ARMC9: variants seen among roughly 807,000 people sequenced by gnomAD.
ARMC9 encodes the protein lisH domain-containing protein ARMC9.
In ARMC9, 94 loss-of-function variants were observed where a neutral mutation model predicts 107.0. The ratio of observed to expected loss-of-function variants is 0.88; its 90% CI spans 0.74 to 1.04. The LOEUF (loss-of-function observed/expected upper bound fraction) is 1.04. Among genes scored for constraint, ARMC9 ranks in the 50% least tolerant of loss-of-function variants. The pLI, the probability that ARMC9 is intolerant of heterozygous loss-of-function variation, is 0.00. For synonymous variants in ARMC9, 380 were observed against 396.9 expected, an observed-to-expected ratio of 0.96 and a Z score of 0.51; for missense variants, 942 against 1,030.1, an observed-to-expected ratio of 0.91 and a Z score of 1.17.
In ARMC9 at chr2:231,358,350, A is replaced by AATTGATTGATTGATTGATTGATTG. The variant is rs143556558; in HGVS notation, c.2132-2395_2132-2372dup. Reference sequence around the variant, plus strand: ...CTTCTCCATCCCTCCCCTCCACTTCAATTGATTGATTGATTGATTGATTGA... The same window carrying AATTGATTGATTGATTGATTGATTG: ...CTTCTCCATCCCTCCCCTCCACTTCAATTGATTGATTGATTGATTGATTGATTGATTGATTGATTGATTGATTGA... On this transcript the variant is annotated intron_variant, in intron 22 of 24. Coordinates refer to ENST00000611582, the MANE Select transcript of ARMC9 (RefSeq NM_001352754.2). This position sits in a 1 kb window ranked among gnomAD's most constrained non-coding sequence, Gnocchi z 4.5. Among the ~76,000 whole-genome samples, 2 of 150,964 alleles carry AATTGATTGATTGATTGATTGATTG rather than the reference A, an allele frequency of 1.3e-5. No homozygotes were observed. The highest frequency in any genetic ancestry group is 4.9e-5 in the African/African-American group (2 of 40,670).
intron 9 of ARMC9, among the ~76,000 whole-genome samples, chr2:231,241,464 G>C (rs1020454699): frequency 3.3e-5 from 5 of 152,050 alleles, no homozygotes; most frequent in African/African-American, 1.2e-4. Context: ...TTCACAGGCT[G>C]CGTGGGTGAA....
intron 19 of ARMC9, among the ~76,000 whole-genome samples, chr2:231,319,855 C>T (rs1180171354): frequency 1.3e-5 from 2 of 152,150 alleles, no homozygotes; most frequent in Non-Finnish European, 2.9e-5. Context: ...TTAAACTTTT[C>T]AGAAAGAACA....
rs904596210 is a variant in ARMC9, at chr2:231,198,676, G to C, written c.-64G>C. ...GGTGGCGGCCGGGCTGGGATAGCGC[G>C]AGTGTCCGCGGCCGAGCAGCAGGTA... On this transcript the variant is annotated 5_prime_UTR_variant, in exon 1 of 25. Transcript: ENST00000611582. The C allele has an allele frequency of 6.6e-6, 1 of 152,184 alleles. No homozygotes were observed. Among genetic ancestry groups the C allele is most frequent in the Non-Finnish European group, 1.5e-5 (1 of 68,024 alleles). The allele number at this position is 152,184 out of a possible 1,614,324, so 9.4% of individuals were successfully genotyped here.
intron 2 of ARMC9, among the ~76,000 whole-genome samples, chr2:231,207,288 A>G (rs1037641514): frequency 2.0e-5 from 3 of 152,144 alleles, no homozygotes; most frequent in African/African-American, 7.2e-5. Context: ...GATTGCAGGC[A>G]TGAGCCACTG....
chr2:231,311,845 C>G (rs532942067), intron 19 of ARMC9, among the ~76,000 whole-genome samples: 1 of 151,846 alleles, frequency 6.6e-6, no homozygotes, highest in South Asian at 2.1e-4. Context: ...ATCCCTTCAT[C>G]CCTTCAGAGG....
intron 12 of ARMC9, among the ~76,000 whole-genome samples, chr2:231,269,627 C>T (rs2039145360): frequency 6.6e-6 from 1 of 151,950 alleles, no homozygotes; most frequent in South Asian, 2.1e-4. Context: ...TCTCTGCCCA[C>T]CTTGGCCTCC....
intron 17 of ARMC9, 109 bp downstream of exon 17, chr2:231,282,242 C>A: frequency 9.2e-7 from 1 of 1,090,484 alleles, no homozygotes; most frequent in Non-Finnish European, 1.4e-6. Context: ...CAGATCCGTT[C>A]CAAACTCCTT....
At chr2:231,282,846 G>A (rs969437309) in intron 17 of ARMC9, among the ~76,000 whole-genome samples, 5 of 152,284 alleles carry the variant, frequency 3.3e-5, no homozygotes, top group Non-Finnish European at 5.9e-5. Context: ...ACTAAACAGT[G>A]GACCTTAATT....
At chr2:231,333,451 C>T (rs1020379504) in intron 20 of ARMC9, among the ~76,000 whole-genome samples, 31 of 152,136 alleles carry the variant, frequency 2.0e-4, no homozygotes, top group Non-Finnish European at 5.9e-5. Context: ...ACCTGCCATT[C>T]CTTAGAACAT....
chr2:231,368,321 A>G (rs901013459), intron 23 of ARMC9, among the ~76,000 whole-genome samples: 2 of 152,180 alleles, frequency 1.3e-5, no homozygotes, highest in African/African-American at 4.8e-5. Flanking sequence ...CCATCAGGAA[A>G]TGCATCCTGA....
At chr2:231,361,038 G>A (rs558252071) in intron 23 of ARMC9, among the ~76,000 whole-genome samples, 155 bp downstream of exon 23, 5 of 152,340 alleles carry the variant, frequency 3.3e-5, no homozygotes, top group South Asian at 4.1e-4. Context: ...GATTCCCAGC[G>A]GAGTGCAGCC....
chr2:231,211,692 G>A (rs557606780), intron 3 of ARMC9, among the ~76,000 whole-genome samples: 2 of 152,212 alleles, frequency 1.3e-5, no homozygotes, highest in African/African-American at 2.4e-5. Flanking sequence ...TTACAAAGTG[G>A]TTATACTATT....
chr2:231,262,827 A>G (rs1054429376), intron 12 of ARMC9, among the ~76,000 whole-genome samples: 62 of 152,204 alleles, frequency 4.1e-4, no homozygotes, highest in African/African-American at 1.4e-3. Context: ...TGGGAAAAGT[A>G]TGAGACTTGG....
intron 1 of ARMC9, among the ~76,000 whole-genome samples, chr2:231,200,335 G>A (rs2030657208): frequency 6.6e-6 from 1 of 152,176 alleles, no homozygotes. Flanking sequence ...TAGACACTCT[G>A]TTAGGTTCTG....
intron 9 of ARMC9, among the ~76,000 whole-genome samples, chr2:231,253,999 G>A (rs1197238596): frequency 6.6e-6 from 1 of 152,134 alleles, no homozygotes; most frequent in Non-Finnish European, 1.5e-5. Flanking sequence ...AAGACTTACT[G>A]ATGGAAGCAT....
chr2:231,270,182 G>A (rs1277549960), intron 12 of ARMC9, among the ~76,000 whole-genome samples: 2 of 152,128 alleles, frequency 1.3e-5, no homozygotes, highest in Admixed American at 1.3e-4. Context: ...GTTTTGGGGT[G>A]GCCCTCTGTT....
chr2:231,277,658 G>A (rs997509508), intron 15 of ARMC9, among the ~76,000 whole-genome samples: 1 of 151,538 alleles, frequency 6.6e-6, no homozygotes, highest in Non-Finnish European at 1.5e-5. Flanking sequence ...TGCCTCCCGG[G>A]TTCAAGCGAT....
chr2:231,286,415 C>T lies in ARMC9; in HGVS notation c.1626+4282C>T, dbSNP rs570204612. 4.6e-5 allele frequency among the ~76,000 whole-genome samples: 7 copies of T among 152,182 alleles called. No homozygotes were observed. In the East Asian group the frequency reaches 7.7e-4, roughly 17 times the overall value. ...CAGGCGTGAGCCACCGCGCCCGGTG[C>T]CTGCTGGTATTTGTATGTGTGTCAG... On this transcript the variant is annotated intron_variant, in intron 17 of 24. Coordinates refer to ENST00000611582, the MANE Select transcript of ARMC9 (RefSeq NM_001352754.2).
intron 5 of ARMC9, among the ~76,000 whole-genome samples, chr2:231,218,855 G>T (rs1411004122): frequency 6.6e-6 from 1 of 151,802 alleles, no homozygotes; most frequent in Non-Finnish European, 1.5e-5. Flanking sequence ...GGGTTCAAGC[G>T]ATTCTCCTGC....
Sources: allele counts gnomAD v4.1 joint callset (sites outside exome capture counted in the v4.1 genomes callset), GRCh38; gene constraint gnomAD v4.1.1; non-coding constraint Gnocchi (gnomAD v3.1); transcripts MANE v1.5; gene names NCBI Gene and HGNC (gene_info 2026-07-23, HGNC 2026-07-21).